The following TENM4 variants were observed in gnomAD, a reference collection of about 807,000 sequenced individuals.
TENM4 encodes the protein teneurin transmembrane protein 4.
In TENM4, 82 loss-of-function variants were observed where a neutral mutation model predicts 243.3. The observed-to-expected ratio is 0.34, with a 90% CI of 0.28 to 0.40. The LOEUF (loss-of-function observed/expected upper bound fraction) is 0.40. Among genes scored for constraint, TENM4 ranks in the 10% least tolerant of loss-of-function variants. TENM4 has a pLI of 1.00. For missense variants in TENM4, 3,138 were observed against 3,673.3 expected (o/e 0.85, Z 3.77); for synonymous variants, 1,412 against 1,456.3 (o/e 0.97, Z 0.69).
At chr11:79,226,022 A>G (rs567155) in intron 2 of TENM4, among the ~76,000 whole-genome samples, 132,995 of 152,166 alleles carry the variant, frequency 0.87, 58,408 homozygotes, top group East Asian at 0.99. Flanking sequence ...CAGAGACAAG[A>G]TCCCTCCTGT....
intron 4 of TENM4, among the ~76,000 whole-genome samples, chr11:79,138,577 T>TATTC (rs1169346390): frequency 1.4e-4 from 8 of 56,276 alleles, no homozygotes; most frequent in Non-Finnish European, 2.5e-4. Context: ...AACATATATT[T>TATTC]ATATAAATAC....
chr11:78,729,801 G>A (rs116488806), intron 21 of TENM4, among the ~76,000 whole-genome samples, 158 bp from the exon 22 acceptor site: 25 of 152,128 alleles, frequency 1.6e-4, no homozygotes, highest in South Asian at 1.0e-3. Flanking sequence ...AAAGAAGAGG[G>A]GAAGCAGAGG....
chr11:79,013,914 G>T (rs1010127547), intron 6 of TENM4, among the ~76,000 whole-genome samples: 1 of 152,052 alleles, frequency 6.6e-6, no homozygotes, highest in African/African-American at 2.4e-5. Context: ...CTTTAAAATT[G>T]CACCCTCCCT....
intron 4 of TENM4, among the ~76,000 whole-genome samples, chr11:79,146,385 C>T (rs1477718183): frequency 2.0e-5 from 3 of 152,078 alleles, no homozygotes; most frequent in African/African-American, 4.8e-5. Flanking sequence ...TTGAGTGATA[C>T]CAGTTTCCAA....
At chr11:78,789,536 G>A (rs945970669) in intron 15 of TENM4, among the ~76,000 whole-genome samples, 3 of 152,186 alleles carry the variant, frequency 2.0e-5, no homozygotes, top group Admixed American at 2.0e-4. Flanking sequence ...CTGGGGTCAG[G>A]GCTGGAACTT....
At chr11:78,821,646 T>C (rs1857735925) in intron 12 of TENM4, among the ~76,000 whole-genome samples, 1 of 152,178 alleles carries the variant, frequency 6.6e-6, no homozygotes. Flanking sequence ...ACCAGAAAGA[T>C]TAAAGAACTT....
At chr11:79,149,451 G>T in intron 3 of TENM4, among the ~76,000 whole-genome samples, 1 of 151,726 alleles carries the variant, frequency 6.6e-6, no homozygotes, top group South Asian at 2.1e-4. Context: ...ATATTTCTTT[G>T]GTCATTCATT....
At chr11:78,801,501 G>A (rs747377446) in intron 15 of TENM4, among the ~76,000 whole-genome samples, 3 of 152,212 alleles carry the variant, frequency 2.0e-5, no homozygotes, top group East Asian at 1.9e-4. Flanking sequence ...AGGGAACTGA[G>A]TAAACACTTG....
At position 78,658,294 on chromosome 11, in the gene TENM4, C is replaced by G; in HGVS notation, c.8074G>C (p.Glu2692Gln). ...CGCACGGCTCTCTGCCGGGCCAGCT[C>G]CAGGACCCGTGCCTTCTCCTCATCC... is the stretch of plus-strand genomic sequence containing the variant. ...TLDEEKARVL[E>Q]LARQRAVRQA... is the part of the protein sequence containing the mutation. The change falls in exon 34 of 34, where the codon GAG becomes CAG. Residue 2692 changes from glutamate to glutamine, a missense_variant. Transcript: ENST00000278550. 1 of 1,612,966 alleles carries G rather than the reference C, an allele frequency of 6.2e-7. No individual in the cohort carries two copies. The highest frequency in any genetic ancestry group is 8.5e-7 in the Non-Finnish European group (1 of 1,179,154).
chr11:79,343,304 T>G (rs1267631735), intron 1 of TENM4, among the ~76,000 whole-genome samples: 4 of 152,252 alleles, frequency 2.6e-5, no homozygotes, highest in African/African-American at 9.6e-5. Context: ...GAAATCATTC[T>G]ATTTTACAGA....
intron 15 of TENM4, among the ~76,000 whole-genome samples, chr11:78,798,599 C>T (rs1029147917): frequency 6.6e-6 from 1 of 152,182 alleles, no homozygotes; most frequent in Non-Finnish European, 1.5e-5. Flanking sequence ...ATTCAGCGGG[C>T]TCCGAGGTTT....
intron 1 of TENM4, among the ~76,000 whole-genome samples, chr11:79,314,494 C>A (rs183315569): frequency 5.3e-5 from 8 of 152,294 alleles, no homozygotes; most frequent in East Asian, 1.9e-4. Context: ...TCCAGCACAA[C>A]CCTGGATCTA....
chr11:78,718,017 A>C (rs903526741), intron 25 of TENM4, among the ~76,000 whole-genome samples: 9 of 152,212 alleles, frequency 5.9e-5, no homozygotes, highest in Non-Finnish European at 7.3e-5. Context: ...CAAAAGGCAG[A>C]CATGAGTCTG....
At chr11:79,040,717 C>T (rs1859501159) in intron 6 of TENM4, among the ~76,000 whole-genome samples, 1 of 152,164 alleles carries the variant, frequency 6.6e-6, no homozygotes, top group South Asian at 2.1e-4. Context: ...AGGCAAGTCA[C>T]ATGGTGTTCA....
intron 6 of TENM4, among the ~76,000 whole-genome samples, chr11:78,955,107 A>G (rs1203369610): frequency 6.6e-6 from 1 of 152,210 alleles, no homozygotes; most frequent in Non-Finnish European, 1.5e-5. Context: ...CACATGTTGG[A>G]CTGACCATCC....
At chr11:78,660,760 G>A (rs1044740645) in intron 33 of TENM4, among the ~76,000 whole-genome samples, 3 of 152,176 alleles carry the variant, frequency 2.0e-5, no homozygotes, top group African/African-American at 4.8e-5. Flanking sequence ...GAATGGATTG[G>A]GGTAGTAGGG....
At chr11:79,147,471 T>C (rs1414594432) in intron 4 of TENM4, among the ~76,000 whole-genome samples, 2 of 152,036 alleles carry the variant, frequency 1.3e-5, no homozygotes, top group African/African-American at 4.8e-5. Context: ...CTCTGAGAAG[T>C]AGAGTTTTAA....
At chr11:78,897,672 A>G (rs1413548339) in intron 7 of TENM4, among the ~76,000 whole-genome samples, 1 of 152,064 alleles carries the variant, frequency 6.6e-6, no homozygotes, top group Admixed American at 6.5e-5. Flanking sequence ...TGAGCTTCTT[A>G]ATAACAGTTG....
At chr11:78,784,906 CTAAGA>C (rs1264418670) in intron 16 of TENM4, among the ~76,000 whole-genome samples, 2 of 152,164 alleles carry the variant, frequency 1.3e-5, no homozygotes, top group African/African-American at 2.4e-5. Flanking sequence ...GAGAGGTTCC[CTAAGA>C]TGAGATGCGT....
Sources: gnomAD v4.1 joint callset for allele counts (sites outside exome capture counted in the v4.1 genomes callset) on GRCh38, gnomAD v4.1.1 for gene constraint, MANE v1.5 for transcripts, NCBI Gene and HGNC (gene_info 2026-07-23, HGNC 2026-07-21) for gene names.